TSPAN18: variants seen among roughly 807,000 people sequenced by gnomAD.
The protein encoded by TSPAN18 is tetraspanin 18.
A neutral mutation model predicts 27.3 loss-of-function variants in TSPAN18; 14 were observed. The observed-to-expected ratio is 0.51, with a 90% CI of 0.34 to 0.80. TSPAN18 has a LOEUF of 0.80. TSPAN18 is among the 30% of genes least tolerant of loss of function. The pLI, the probability that TSPAN18 is intolerant of heterozygous loss-of-function variation, is 0.01. For synonymous variants in TSPAN18, 143 were observed against 136.5 expected, an observed-to-expected ratio of 1.05 and a Z score of -0.33; for missense variants, 268 against 323.9, an observed-to-expected ratio of 0.83 and a Z score of 1.32.
chr11:44,856,895 A>G (rs1263097474), intron 2 of TSPAN18, among the ~76,000 whole-genome samples: 1 of 151,724 alleles, frequency 6.6e-6, no homozygotes, highest in Non-Finnish European at 1.5e-5. Flanking sequence ...CTTCTTGATC[A>G]GTGACTCAAA....
intron 3 of TSPAN18, among the ~76,000 whole-genome samples, chr11:44,865,273 A>G (rs958474031): frequency 3.9e-5 from 6 of 152,128 alleles, no homozygotes; most frequent in Non-Finnish European, 8.8e-5. Flanking sequence ...GTCTCTCTCA[A>G]ATTCTCAACT....
chr11:44,755,581 C>A (rs1247252871), intron 1 of TSPAN18, among the ~76,000 whole-genome samples: 1 of 152,090 alleles, frequency 6.6e-6, no homozygotes, highest in Non-Finnish European at 1.5e-5. Context: ...TGCCTTGGCT[C>A]TCCTCCCTCT....
intron 1 of TSPAN18, among the ~76,000 whole-genome samples, chr11:44,734,647 G>A (rs1023166368): frequency 3.9e-5 from 6 of 152,232 alleles, no homozygotes; most frequent in African/African-American, 1.4e-4. Flanking sequence ...CTGGACTCTT[G>A]TGTTGAACTA....
chr11:44,927,760 C>A (rs1457117658), intron 9 of TSPAN18, among the ~76,000 whole-genome samples: 1 of 152,174 alleles, frequency 6.6e-6, no homozygotes, highest in African/African-American at 2.4e-5. Flanking sequence ...GAAGGAATAG[C>A]ATGGGCCCTA....
chr11:44,839,526 C>T (rs1857327272), intron 2 of TSPAN18, among the ~76,000 whole-genome samples: 1 of 152,160 alleles, frequency 6.6e-6, no homozygotes, highest in Non-Finnish European at 1.5e-5. Context: ...AACAGCTTCT[C>T]GGGATGCAAA....
chr11:44,819,543 C>A (rs186972363), intron 2 of TSPAN18, among the ~76,000 whole-genome samples: 2 of 152,268 alleles, frequency 1.3e-5, no homozygotes, highest in East Asian at 3.9e-4. Flanking sequence ...CACTGGCAGC[C>A]TCGTTGAAGT....
chr11:44,791,188 T>G (rs2135042211), intron 2 of TSPAN18, among the ~76,000 whole-genome samples: 1 of 152,192 alleles, frequency 6.6e-6, no homozygotes, highest in South Asian at 2.1e-4. Flanking sequence ...CAGTCTCCCC[T>G]CACACCACTG....
intron 1 of TSPAN18, among the ~76,000 whole-genome samples, chr11:44,732,068 TTG>T (rs1854674340): frequency 6.6e-6 from 1 of 152,242 alleles, no homozygotes; most frequent in Admixed American, 6.5e-5. Context: ...GAATCCCTTT[TTG>T]TGTTCTGCCC....
At position 44,761,580 on chromosome 11, in the gene TSPAN18, C is replaced by T. The variant is rs953978617; in HGVS notation, c.-239-2846C>T. Among the ~76,000 whole-genome samples, 12 of 152,306 alleles carry T rather than the reference C, an allele frequency of 7.9e-5. No individual in the cohort carries two copies. In the East Asian group the frequency reaches 9.6e-4, roughly 12 times the overall value. Reference sequence around the variant, plus strand: ...CAGGAAGGCAAAATTCCACCGAAGACGGGAGACAGCTTAAGGCTCTGGAGC... The same window carrying T: ...CAGGAAGGCAAAATTCCACCGAAGATGGGAGACAGCTTAAGGCTCTGGAGC... On this transcript the variant is annotated intron_variant, in intron 1 of 9. Transcript: ENST00000520358.
intron 1 of TSPAN18, among the ~76,000 whole-genome samples, chr11:44,754,068 C>G (rs1468340985): frequency 6.6e-6 from 1 of 152,164 alleles, no homozygotes; most frequent in Non-Finnish European, 1.5e-5. Context: ...GATTAATCTC[C>G]ACGCTATGAA....
chr11:44,729,296 T>C (rs1264345074), intron 1 of TSPAN18, among the ~76,000 whole-genome samples: 1 of 152,208 alleles, frequency 6.6e-6, no homozygotes, highest in Non-Finnish European at 1.5e-5. Flanking sequence ...TTAGTGACTC[T>C]TGTTTTTCTG....
chr11:44,928,792 GA>G (rs5791658), intron 9 of TSPAN18, among the ~76,000 whole-genome samples: 6 of 149,736 alleles, frequency 4.0e-5, no homozygotes, highest in South Asian at 2.1e-4. Context: ...TCTCAAAAAA[GA>G]AAAAAAAAAC....
chr11:44,834,058 G>A (rs1262054652), intron 2 of TSPAN18, among the ~76,000 whole-genome samples: 3 of 151,580 alleles, frequency 2.0e-5, no homozygotes, highest in Non-Finnish European at 2.9e-5. Flanking sequence ...CAGTCCCAGC[G>A]ATCAGCTTTT....
chr11:44,790,376 TGC>T (rs1394742472), intron 2 of TSPAN18, among the ~76,000 whole-genome samples: 2 of 150,168 alleles, frequency 1.3e-5, no homozygotes, highest in South Asian at 4.3e-4. Flanking sequence ...CATGTTTGTG[TGC>T]GTGTGTGTGC....
chr11:44,893,391 C>T (rs191308026), intron 3 of TSPAN18, among the ~76,000 whole-genome samples: 8 of 152,368 alleles, frequency 5.3e-5, no homozygotes, highest in South Asian at 2.1e-4. Context: ...TTTTATCCCC[C>T]GCTCAGCTGT....
chr11:44,907,749 C>T (rs908458843), intron 4 of TSPAN18, among the ~76,000 whole-genome samples: 4 of 152,032 alleles, frequency 2.6e-5, no homozygotes, highest in Non-Finnish European at 5.9e-5. Context: ...GGAGGTTGTG[C>T]GGGAGACCAA....
intron 1 of TSPAN18, among the ~76,000 whole-genome samples, chr11:44,730,405 G>C (rs908739198): frequency 6.6e-6 from 1 of 152,116 alleles, no homozygotes; most frequent in Non-Finnish European, 1.5e-5. Context: ...GGAAAATCAG[G>C]AACATTTGTT....
At chr11:44,885,452 G>T (rs560200255) in intron 3 of TSPAN18, among the ~76,000 whole-genome samples, 1 of 152,250 alleles carries the variant, frequency 6.6e-6, no homozygotes, top group East Asian at 1.9e-4. Flanking sequence ...GCGTCCTTCC[G>T]GGCCTGGAGA....
At chr11:44,835,187 G>A (rs958252243) in intron 2 of TSPAN18, among the ~76,000 whole-genome samples, 1 of 152,218 alleles carries the variant, frequency 6.6e-6, no homozygotes, top group African/African-American at 2.4e-5. Flanking sequence ...AAAGGGGGCC[G>A]TGGGGAGGGT....
Sources: allele counts gnomAD v4.1 joint callset (sites outside exome capture counted in the v4.1 genomes callset), GRCh38; gene constraint gnomAD v4.1.1; transcripts MANE v1.5; gene names NCBI Gene and HGNC (gene_info 2026-07-23, HGNC 2026-07-21).